The following MYO16 variants were observed in gnomAD, a reference collection of about 807,000 sequenced individuals.
The protein encoded by MYO16 is unconventional myosin-XVI.
A neutral mutation model predicts 205.3 loss-of-function variants in MYO16; 94 were observed. The ratio of observed to expected loss-of-function variants is 0.46; its 90% CI spans 0.39 to 0.54. The LOEUF (loss-of-function observed/expected upper bound fraction) is 0.54. Ranked by LOEUF, MYO16 falls within the 20% of genes least tolerant of loss-of-function variation. The pLI is 0.00. For synonymous variants in MYO16, 988 were observed against 954.0 expected, an observed-to-expected ratio of 1.04 and a Z score of -0.66; for missense variants, 2,315 against 2,387.5, an observed-to-expected ratio of 0.97 and a Z score of 0.63.
intron 3 of MYO16, among the ~76,000 whole-genome samples, chr13:108,726,535 G>A (rs1282876153): frequency 6.8e-6 from 1 of 147,626 alleles, no homozygotes; most frequent in Non-Finnish European, 1.5e-5. Context: ...CTCCATTCTG[G>A]TGACAAAGTG....
intron 16 of MYO16, among the ~76,000 whole-genome samples, chr13:108,924,561 G>T (rs1217324084): frequency 6.6e-6 from 1 of 152,160 alleles, no homozygotes; most frequent in Non-Finnish European, 1.5e-5. Flanking sequence ...AGTACGAATG[G>T]AATCGCTTAG....
At chr13:109,042,375 C>T (rs1886910701) in intron 23 of MYO16, among the ~76,000 whole-genome samples, 1 of 152,198 alleles carries the variant, frequency 6.6e-6, no homozygotes, top group Non-Finnish European at 1.5e-5. Context: ...TGATCCAGTA[C>T]TCAATCACAC....
At chr13:109,022,339 A>C (rs1342262940) in intron 23 of MYO16, among the ~76,000 whole-genome samples, 1 of 85,604 alleles carries the variant, frequency 1.2e-5, no homozygotes, top group Non-Finnish European at 2.4e-5. Flanking sequence ...ATATTTATAT[A>C]TTATATACAA....
chr13:108,683,937 G>A (rs534316084), intron 2 of MYO16, among the ~76,000 whole-genome samples: 1 of 152,230 alleles, frequency 6.6e-6, no homozygotes, highest in Non-Finnish European at 1.5e-5. Context: ...GTGCAGTGGC[G>A]CGATCTCGGC....
intron 9 of MYO16, among the ~76,000 whole-genome samples, chr13:108,832,829 C>A (rs1876698055): frequency 6.6e-6 from 1 of 151,886 alleles, no homozygotes; most frequent in Non-Finnish European, 1.5e-5. Context: ...AACATCAAGC[C>A]TTTTTAATCA....
At chr13:108,589,457 A>T in the MYO16 span, among the ~76,000 whole-genome samples, 1 of 152,108 alleles carries the variant, frequency 6.6e-6, no homozygotes, top group Non-Finnish European at 1.5e-5. Context: ...CCTACTTTAC[A>T]CTACCTGGTA....
At chr13:108,599,727 T>A (rs1157543826) in intron 1 of MYO16, among the ~76,000 whole-genome samples, 1 of 152,166 alleles carries the variant, frequency 6.6e-6, no homozygotes, top group South Asian at 2.1e-4. Flanking sequence ...ATTTTTATGA[T>A]TCCTTTTGGC....
chr13:108,992,310 A>T, intron 20 of MYO16, 66 bp from the exon 21 acceptor site: 3 of 1,183,422 alleles, frequency 2.5e-6, no homozygotes, highest in South Asian at 1.4e-5. Flanking sequence ...GACCTGAATA[A>T]TGAAAAGAGG....
intron 1 of MYO16, among the ~76,000 whole-genome samples, chr13:108,638,554 C>T (rs9284243): frequency 0.13 from 19,625 of 152,022 alleles, 1,738 homozygotes; most frequent in South Asian, 0.25. Context: ...TCAGTGACCA[C>T]CTCTAACTTC....
Position 109,181,156 on chromosome 13 carries a change from C to T in MYO16, c.5415+1523C>T, listed in dbSNP as rs138067878. Among the ~76,000 whole-genome samples, 261 of 152,374 alleles carry T rather than the reference C, an allele frequency of 1.7e-3. 4 individuals carry two copies. In the East Asian group the frequency reaches 0.029, roughly 17 times the overall value. ...AGAGATGAGAAAGGTCATCGGGAAT[C>T]ATTTTCCATTCTCAGATTTCAAAGA... is the stretch of plus-strand genomic sequence containing the variant. On this transcript the variant is annotated intron_variant, in intron 34 of 34. Transcript: ENST00000457511.
intron 1 of MYO16, among the ~76,000 whole-genome samples, chr13:108,642,700 G>A (rs1594168998): frequency 6.6e-6 from 1 of 152,268 alleles, no homozygotes; most frequent in Non-Finnish European, 1.5e-5. Flanking sequence ...TTACAGGTGT[G>A]AGCCACCGTG....
intron 4 of MYO16, among the ~76,000 whole-genome samples, chr13:108,744,245 A>G (rs1010457737): frequency 1.3e-5 from 2 of 150,566 alleles, no homozygotes; most frequent in African/African-American, 4.9e-5. Flanking sequence ...TTTCCTATTT[A>G]TTTGCTGCCT....
chr13:108,500,565 C>T, the MYO16 span, among the ~76,000 whole-genome samples: 1 of 151,912 alleles, frequency 6.6e-6, no homozygotes, highest in Non-Finnish European at 1.5e-5. Flanking sequence ...TGCTGTTTTT[C>T]TCCTTCTTCC....
chr13:108,755,517 A>C (rs1308613311), intron 4 of MYO16, among the ~76,000 whole-genome samples: 1 of 151,408 alleles, frequency 6.6e-6, no homozygotes, highest in Admixed American at 6.6e-5. Flanking sequence ...CATCAAATAG[A>C]TGTCTTGCTA....
intron 16 of MYO16, among the ~76,000 whole-genome samples, chr13:108,939,531 G>A (rs1430665517): frequency 3.3e-5 from 5 of 152,156 alleles, no homozygotes; most frequent in African/African-American, 9.7e-5. Flanking sequence ...TAATTGGGTT[G>A]ATCCTTCTGT....
intron 13 of MYO16, among the ~76,000 whole-genome samples, chr13:108,885,012 G>C (rs1323437659): frequency 6.6e-6 from 1 of 151,722 alleles, no homozygotes; most frequent in Admixed American, 6.6e-5. Flanking sequence ...GAAAGACGCT[G>C]AGACGGGCTC....
chr13:109,171,988 T>C (rs993891196), intron 33 of MYO16, among the ~76,000 whole-genome samples: 1 of 152,206 alleles, frequency 6.6e-6, no homozygotes, highest in Non-Finnish European at 1.5e-5. Context: ...GGCCATCATT[T>C]GCAGGACCAG....
At chr13:108,561,614 T>C in the MYO16 span, among the ~76,000 whole-genome samples, 3 of 152,264 alleles carry the variant, frequency 2.0e-5, no homozygotes, top group Non-Finnish European at 4.4e-5. Flanking sequence ...CATTAATGTT[T>C]ATTTTAAGGC....
chr13:108,901,002 G>A (rs528795417), intron 15 of MYO16, among the ~76,000 whole-genome samples: 4 of 152,108 alleles, frequency 2.6e-5, no homozygotes. Flanking sequence ...TGTAGCAGAG[G>A]GATGAAATAA....
Sources: gnomAD v4.1 joint callset for allele counts (sites outside exome capture counted in the v4.1 genomes callset) on GRCh38, gnomAD v4.1.1 for gene constraint, MANE v1.5 for transcripts, NCBI Gene and HGNC (gene_info 2026-07-23, HGNC 2026-07-21) for gene names.